RHOT1: variants seen among roughly 807,000 people sequenced by gnomAD.
The protein encoded by RHOT1 is ras homolog family member T1.
In RHOT1, 27 loss-of-function variants were observed where a neutral mutation model predicts 95.3. The observed-to-expected ratio is 0.28, with a 90% confidence interval of 0.21 to 0.39. The LOEUF is 0.39. Among genes scored for constraint, RHOT1 ranks in the 10% least tolerant of loss-of-function variants. The pLI is 1.00. For missense variants in RHOT1, 578 were observed against 786.7 expected (o/e 0.73, Z 3.17); for synonymous variants, 227 against 263.5 (o/e 0.86, Z 1.34).
intron 14 of RHOT1, among the ~76,000 whole-genome samples, chr17:32,202,426 G>A (rs1050041317): frequency 6.6e-6 from 1 of 152,102 alleles, no homozygotes; most frequent in Non-Finnish European, 1.5e-5. Context: ...GAAAAAATTA[G>A]ATGGAATATA....
At chr17:32,165,352 AAAAAAAAAAAC>A (rs1272450097) in intron 1 of RHOT1, among the ~76,000 whole-genome samples, 6 of 150,232 alleles carry the variant, frequency 4.0e-5, no homozygotes, top group African/African-American at 1.2e-4. Context: ...AAAAAAAAAA[AAAAAAAAAAAC>A]AATACAAAAA....
intron 4 of RHOT1, 86 bp from the exon 5 acceptor site, chr17:32,175,876 C>T: frequency 5.8e-6 from 5 of 856,614 alleles, no homozygotes; most frequent in Non-Finnish European, 6.9e-6. Context: ...TTCCTTTCAC[C>T]CGAATATATT....
intron 18 of RHOT1, chr17:32,209,611 A>C (rs1278296338): frequency 2.0e-6 from 1 of 507,634 alleles, no homozygotes; most frequent in Non-Finnish European, 3.5e-6. Context: ...TCCTTACTAC[A>C]TAAATGTACT....
intron 19 of RHOT1, among the ~76,000 whole-genome samples, chr17:32,219,180 C>G (rs1291665716): frequency 6.6e-6 from 1 of 152,186 alleles, no homozygotes; most frequent in Non-Finnish European, 1.5e-5. Context: ...AAATGACTCT[C>G]TGGAGCTCCT....
chr17:32,198,121 C>G lies in RHOT1; in HGVS notation c.870-826C>G, dbSNP rs111605352. Among the ~76,000 whole-genome samples, 1,144 of 152,120 alleles carry G rather than the reference C, an allele frequency of 7.5e-3. 11 individuals are homozygous for G. The highest frequency in any genetic ancestry group is 0.026 in the African/African-American group (1,073 of 41,472). Reference sequence around the variant, plus strand: ...TGTTGCCCAGGCTGGTCTTGAACTCCTGGGCTCAAGTGATCCTCCTTGCCT... The same window carrying G: ...TGTTGCCCAGGCTGGTCTTGAACTCGTGGGCTCAAGTGATCCTCCTTGCCT... On this transcript the variant is annotated intron_variant, in intron 11 of 19. Transcript: ENST00000545287.
At position 32,182,944 on chromosome 17, in the gene RHOT1, G is replaced by A. The variant is rs1030071588; in HGVS notation, c.438+79G>A. 6.5e-6 allele frequency: 6 copies of A among 927,990 alleles called. No homozygotes were observed. In the African/African-American group the frequency reaches 1.0e-4, roughly 16 times the overall value. 57.5% of individuals were successfully genotyped at this position (927,990 alleles called of 1,614,324 possible). A position where few individuals can be genotyped will look rare whatever the true frequency, so the allele number is the denominator to read the frequency against. Reference sequence around the variant, plus strand: ...TCGGGTTTTAAATAGGGGGGACAATGTGGGATGGAATAAATTTCCTGCTAT... The same window carrying A: ...TCGGGTTTTAAATAGGGGGGACAATATGGGATGGAATAAATTTCCTGCTAT... On this transcript the variant is annotated intron_variant, in intron 7 of 19. Transcript: ENST00000545287.
intron 1 of RHOT1, among the ~76,000 whole-genome samples, chr17:32,164,980 G>T (rs2033912581): frequency 6.6e-6 from 1 of 151,846 alleles, no homozygotes; most frequent in African/African-American, 2.4e-5. Flanking sequence ...CCAACATGGT[G>T]AAACTCCCTC....
Position 32,203,897 on chromosome 17 carries a change from A to C in RHOT1, c.1340A>C (p.Lys447Thr). ...TTTCGGTTCTGTTTTCAGAGGCAGA[A>C]GAAAATTCGTGAAGATCATAAATCC... ...ALLGRNLMRQ[K>T]KIREDHKSYY... Residue 447 changes from lysine to threonine, a missense_variant, in exon 16 of 20, where the codon AAG becomes ACG. Lys to Thr is a moderately conservative substitution (Grantham distance 78). This residue lies in a region of RHOT1 where 296 missense variants were observed against 338.5 expected (regional missense o/e 0.87). Coordinates refer to ENST00000545287, the MANE Select transcript of RHOT1 (RefSeq NM_001033566.3). 1 of 1,612,530 alleles carries C rather than the reference A, an allele frequency of 6.2e-7. No individual in the cohort carries two copies. The highest frequency in any genetic ancestry group is 8.5e-7 in the Non-Finnish European group (1 of 1,179,014).
At chr17:32,161,306 G>A (rs949476507) in intron 1 of RHOT1, among the ~76,000 whole-genome samples, 2 of 152,174 alleles carry the variant, frequency 1.3e-5, no homozygotes, top group African/African-American at 4.8e-5. Context: ...CCACAGGATC[G>A]ACTGAGTCAC....
chr17:32,158,405 T>C (rs73286106), intron 1 of RHOT1, among the ~76,000 whole-genome samples: 1,724 of 152,114 alleles, frequency 0.011, 34 homozygotes, highest in African/African-American at 0.039. Context: ...TCTATTACAG[T>C]GTTTCTCAGT....
rs1256287628 is a variant in RHOT1, at chr17:32,201,061, G to A, written c.1201+5G>A. 6.5e-7 allele frequency: 1 copy of A among 1,536,794 alleles called. No individual in the cohort carries two copies. Among genetic ancestry groups the A allele is most frequent in the Non-Finnish European group, 8.9e-7 (1 of 1,120,052 alleles). On this transcript the variant is annotated splice_donor_5th_base_variant and intron_variant, in intron 14 of 19. Coordinates refer to ENST00000545287, the MANE Select transcript of RHOT1 (RefSeq NM_001033566.3). ...CTCAAGCTTCAGCTGTTACAGGTAA[G>A]TATCTAGATACTGTTCAGCTCATGA...
intron 1 of RHOT1, among the ~76,000 whole-genome samples, chr17:32,145,091 G>GT (rs1219646973): frequency 6.6e-6 from 1 of 152,162 alleles, no homozygotes; most frequent in Non-Finnish European, 1.5e-5. Flanking sequence ...GAGGTCAGGA[G>GT]TTTGAGACCA....
At position 32,225,510 on chromosome 17, in the gene RHOT1, C is replaced by T. The variant is rs185000418; in HGVS notation, c.*777C>T. On this transcript the variant is annotated 3_prime_UTR_variant, in exon 20 of 20. Transcript: ENST00000545287. ...CACCCTTACTACTGTTGAATTTCAT[C>T]CCAAGTGTAAATCATTCTATAATGG... 2.0e-5 allele frequency: 3 copies of T among 152,626 alleles called. No homozygotes were observed. The highest frequency in any genetic ancestry group is 7.2e-5 in the African/African-American group (3 of 41,528). 9.5% of individuals were successfully genotyped at this position (152,626 alleles called of 1,614,324 possible).
intron 8 of RHOT1, 50 bp downstream of exon 8, chr17:32,183,322 T>G: frequency 9.5e-7 from 1 of 1,053,122 alleles, no homozygotes; most frequent in South Asian, 3.1e-5. Flanking sequence ...GTAACTCTAG[T>G]ATGGTAGTGA....
intron 16 of RHOT1, among the ~76,000 whole-genome samples, chr17:32,204,533 T>TC (rs2037559316): frequency 8.1e-6 from 1 of 122,792 alleles, no homozygotes; most frequent in Non-Finnish European, 1.6e-5. Context: ...AGAGCGAAAC[T>TC]CCATCTCCAG....
chr17:32,211,444 G>A (rs2038128776), intron 19 of RHOT1: 2 of 367,542 alleles, frequency 5.4e-6, no homozygotes, highest in South Asian at 1.3e-4. Context: ...ATATTTAGAG[G>A]ACTATAAAAT....
At chr17:32,190,730 A>T (rs970048856) in intron 8 of RHOT1, among the ~76,000 whole-genome samples, 1 of 152,002 alleles carries the variant, frequency 6.6e-6, no homozygotes, top group Non-Finnish European at 1.5e-5. Context: ...TATTTTAAAG[A>T]ATAAATCATG....
intron 8 of RHOT1, among the ~76,000 whole-genome samples, chr17:32,191,468 G>A (rs996176776): frequency 1.3e-5 from 2 of 152,116 alleles, no homozygotes; most frequent in African/African-American, 4.8e-5. Context: ...TGTTGATAGT[G>A]ATTACCCTAT....
intron 19 of RHOT1, among the ~76,000 whole-genome samples, chr17:32,215,719 G>T (rs1178571628): frequency 6.6e-6 from 1 of 152,068 alleles, no homozygotes; most frequent in Non-Finnish European, 1.5e-5. Context: ...TATATTTTAA[G>T]TATAGAAAGA....
Sources: gnomAD v4.1 joint callset for allele counts (sites outside exome capture counted in the v4.1 genomes callset) on GRCh38, gnomAD v4.1.1 for gene constraint, gnomAD v4.1.1 regional missense constraint, MANE v1.5 for transcripts, NCBI Gene and HGNC (gene_info 2026-07-23, HGNC 2026-07-21) for gene names.